The following SP4 variants were observed in gnomAD, a reference collection of about 807,000 sequenced individuals.
SP4 encodes transcription factor Sp4.
A neutral mutation model predicts 72.8 loss-of-function variants in SP4; 19 were observed. That is an observed-to-expected ratio of 0.26 (90% CI 0.18 to 0.38). The LOEUF (loss-of-function observed/expected upper bound fraction) is 0.38, where lower values mean the gene tolerates loss of function less well. SP4 is among the 10% of genes least tolerant of loss of function. The pLI, the probability that SP4 is intolerant of heterozygous loss-of-function variation, is 1.00. For missense variants in SP4, 1,008 were observed against 926.3 expected, an observed-to-expected ratio of 1.09 and a Z score of -1.14; for synonymous variants, 395 against 333.1, an observed-to-expected ratio of 1.19 and a Z score of -2.02.
chr7:21,490,137 CA>C (rs1232259420), intron 5 of SP4, among the ~76,000 whole-genome samples: 1 of 152,164 alleles, frequency 6.6e-6, no homozygotes, highest in African/African-American at 2.4e-5. Flanking sequence ...CAATGAAAAG[CA>C]AACTATAGCA....
At chr7:21,431,698 T>A (rs1035097069) in intron 3 of SP4, among the ~76,000 whole-genome samples, 3 of 152,236 alleles carry the variant, frequency 2.0e-5, no homozygotes, top group Admixed American at 1.3e-4. Context: ...TGGACCAGTC[T>A]TATTGTACCT....
chr7:21,471,036 G>T (rs778534612), intron 3 of SP4: 2 of 534,426 alleles, frequency 3.7e-6, no homozygotes, highest in South Asian at 1.4e-5. Flanking sequence ...TGGGGTGGGA[G>T]AATGTGTTGG....
intron 3 of SP4, chr7:21,471,136 G>GC (rs1784330140): frequency 1.9e-6 from 1 of 534,566 alleles, no homozygotes; most frequent in Non-Finnish European, 3.8e-6. Flanking sequence ...TGGGCATGGA[G>GC]CAGGAGTGCC....
At chr7:21,446,538 T>C (rs1482920724) in intron 3 of SP4, among the ~76,000 whole-genome samples, 2 of 152,208 alleles carry the variant, frequency 1.3e-5, no homozygotes, top group Admixed American at 1.3e-4. Flanking sequence ...GGTTTTTTTC[T>C]TTTGTACAGT....
At chr7:21,428,594 GGAGAA>G in intron 1 of SP4, 78 bp from the exon 2 acceptor site, 1 of 1,325,168 alleles carries the variant, frequency 7.5e-7, no homozygotes, top group Non-Finnish European at 1.0e-6. Context: ...GGGGGAGGGG[GGAGAA>G]GAGGAGAGGA....
chr7:21,508,284 G>A (rs572098561), intron 5 of SP4, among the ~76,000 whole-genome samples: 5 of 152,200 alleles, frequency 3.3e-5, no homozygotes, highest in African/African-American at 7.2e-5. Flanking sequence ...TGGACTTGGA[G>A]ACACAAACAA....
intron 5 of SP4, among the ~76,000 whole-genome samples, chr7:21,499,002 C>T (rs559969194): frequency 6.7e-6 from 1 of 149,262 alleles, no homozygotes; most frequent in African/African-American, 2.5e-5. Flanking sequence ...ATGGCAGGAA[C>T]CTGAGGGGCA....
At chr7:21,482,889 C>T (rs1341162247) in intron 5 of SP4, 1 of 303,348 alleles carries the variant, frequency 3.3e-6, no homozygotes, top group African/African-American at 2.3e-5. Flanking sequence ...ATGAGTCTAC[C>T]ACACTATATT....
intron 3 of SP4, among the ~76,000 whole-genome samples, chr7:21,452,783 ATTTT>A (rs1210906365): frequency 7.3e-6 from 1 of 136,884 alleles, no homozygotes; most frequent in Non-Finnish European, 1.6e-5. Context: ...TTTACTCATT[ATTTT>A]TTTTTTTTTT....
At chr7:21,499,913 G>C (rs1231303725) in intron 5 of SP4, among the ~76,000 whole-genome samples, 6 of 152,154 alleles carry the variant, frequency 3.9e-5, no homozygotes, top group African/African-American at 1.4e-4. Flanking sequence ...AGGTGCTTCA[G>C]ATACAGAAAG....
intron 3 of SP4, among the ~76,000 whole-genome samples, chr7:21,455,973 T>A (rs1783752171): frequency 6.6e-6 from 1 of 152,154 alleles, no homozygotes. Context: ...CCTGAAGATC[T>A]TGGTGCATAT....
At chr7:21,458,234 C>T (rs1783836704) in intron 3 of SP4, among the ~76,000 whole-genome samples, 2 of 152,052 alleles carry the variant, frequency 1.3e-5, no homozygotes, top group Admixed American at 6.6e-5. Context: ...ACTCTGTTGC[C>T]CAGGCTGGAG....
chr7:21,497,321 G>GT (rs1562626222), intron 5 of SP4, among the ~76,000 whole-genome samples: 3 of 152,212 alleles, frequency 2.0e-5, no homozygotes, highest in African/African-American at 7.2e-5. Context: ...AATTCAGGCT[G>GT]TTATTTTTCA....
intron 5 of SP4, among the ~76,000 whole-genome samples, chr7:21,501,866 A>G (rs961780116): frequency 2.0e-5 from 3 of 152,150 alleles, no homozygotes; most frequent in Non-Finnish European, 4.4e-5. Flanking sequence ...CATTTGGCTG[A>G]TGGCATTTAG....
chr7:21,429,607 C>G lies in SP4; in HGVS notation c.442C>G (p.Pro148Ala). 1 of 1,614,134 alleles carries G rather than the reference C, an allele frequency of 6.2e-7. No homozygotes were observed. Among genetic ancestry groups the G allele is most frequent in the Non-Finnish European group, 8.5e-7 (1 of 1,179,996 alleles). Residue 148 changes from proline to alanine, a missense_variant, in exon 3 of 6, where the codon CCT becomes GCT. By Grantham distance (27) the Pro-to-Ala change is conservative (BLOSUM62 -1). Around this residue, in one of 3 missense-constraint regions of SP4, gnomAD observed 893 missense variants for 743.3 expected, o/e 1.20. Transcript: ENST00000222584. The part of the protein sequence containing the change: ...TKTKSGNSST[P>A]GQFQVIQVQN... ...AACTAAATCAGGTAATTCTTCCACC[C>G]CTGGTCAATTTCAAGTCATACAAGT...
chr7:21,439,310 T>A (rs1351737951), intron 3 of SP4, among the ~76,000 whole-genome samples: 1 of 88,898 alleles, frequency 1.1e-5, no homozygotes, highest in Non-Finnish European at 2.1e-5. Flanking sequence ...CAAGCAAATC[T>A]GTATGCCTTT....
At chr7:21,443,945 ATTAT>A (rs1367119851) in intron 3 of SP4, among the ~76,000 whole-genome samples, 10 of 152,288 alleles carry the variant, frequency 6.6e-5, no homozygotes, top group Middle Eastern at 3.4e-3. Flanking sequence ...AGCAAACTTT[ATTAT>A]TTCTGATTTT....
chr7:21,450,439 G>A (rs920031810), intron 3 of SP4, among the ~76,000 whole-genome samples: 2 of 152,034 alleles, frequency 1.3e-5, no homozygotes, highest in Admixed American at 6.6e-5. Flanking sequence ...ATAGGTTTCT[G>A]TTATATTCTC....
chr7:21,492,993 A>G (rs759729695), intron 5 of SP4, among the ~76,000 whole-genome samples: 3 of 152,206 alleles, frequency 2.0e-5, no homozygotes, highest in Non-Finnish European at 2.9e-5. Context: ...TGAGATCAGG[A>G]GTTTGAGACC....
Sources: gnomAD v4.1 joint callset for allele counts (sites outside exome capture counted in the v4.1 genomes callset) on GRCh38, gnomAD v4.1.1 for gene constraint, gnomAD v4.1.1 regional missense constraint, MANE v1.5 for transcripts, NCBI Gene and HGNC (gene_info 2026-07-23, HGNC 2026-07-21) for gene names.